The following MAP3K15 variants were observed in gnomAD, a reference collection of about 807,000 sequenced individuals.
MAP3K15 encodes mitogen-activated protein kinase kinase kinase 15.
In MAP3K15, 124 loss-of-function variants were observed where a neutral mutation model predicts 99.5. That is an observed-to-expected ratio of 1.25 (90% CI 1.08 to 1.45). The LOEUF (loss-of-function observed/expected upper bound fraction) is 1.45, where lower values mean the gene tolerates loss of function less well. Ranked by LOEUF, MAP3K15 falls within the 40% of genes most tolerant of loss-of-function variation. The pLI is 0.00. For synonymous variants in MAP3K15, 494 were observed against 439.6 expected (o/e 1.12, Z -1.55); for missense variants, 1,242 against 1,079.7 (o/e 1.15, Z -2.11).
intron 13 of MAP3K15, among the ~76,000 whole-genome samples, chrX:19,402,690 G>A (rs1377362775): frequency 9.0e-6 from 1 of 111,022 alleles, no homozygotes; most frequent in Admixed American, 9.6e-5. Flanking sequence ...TTTGAGATGG[G>A]GTATCACTCT....
chrX:19,368,849 T>G (rs375780289), intron 25 of MAP3K15, among the ~76,000 whole-genome samples: 11 of 110,188 alleles, frequency 1.0e-4, no homozygotes, highest in Non-Finnish European at 1.5e-4. Flanking sequence ...GAGTTTTTTT[T>G]TTTTTTTTTT....
At position 19,494,717 on chromosome X, in the gene MAP3K15, C is replaced by CAGG. The variant is rs771145074; in HGVS notation, c.362-5751_362-5750insCCT. ...AATATATACCAGGTTATCCTTAAGTCTATCTAACTCCCTGCAGAAAAAAAA... is the reference window on the plus strand; with the variant it reads ...AATATATACCAGGTTATCCTTAAGTCAGGTATCTAACTCCCTGCAGAAAAAAAA... On this transcript the variant is annotated intron_variant, in intron 1 of 28. Coordinates refer to ENST00000338883, the MANE Select transcript of MAP3K15 (RefSeq NM_001001671.4). Among the ~76,000 whole-genome samples, 766 of 110,290 alleles carry CAGG rather than the reference C, an allele frequency of 6.9e-3. 3 individuals carry two copies. Among genetic ancestry groups the CAGG allele is most frequent in the Middle Eastern group, 0.028 (6 of 216 alleles).
intron 6 of MAP3K15, among the ~76,000 whole-genome samples, chrX:19,434,391 ATT>A (rs2063906980): frequency 2.0e-5 from 2 of 99,222 alleles, no homozygotes; most frequent in African/African-American, 8.9e-5. Flanking sequence ...CACCCAGCTA[ATT>A]TTTTAATTTT....
At chrX:19,478,598 G>A (rs1216631533) in intron 3 of MAP3K15, among the ~76,000 whole-genome samples, 1 of 109,533 alleles carries the variant, frequency 9.1e-6, no homozygotes, top group East Asian at 2.9e-4. Context: ...GCCAGTGTCT[G>A]TTTTTCAAAG....
intron 9 of MAP3K15, among the ~76,000 whole-genome samples, chrX:19,424,701 A>G (rs2063816363): frequency 9.0e-6 from 1 of 110,932 alleles, no homozygotes. Flanking sequence ...GCTGGATTGC[A>G]GTTGTGCAAT....
At chrX:19,413,839 G>A (rs1386744219) in intron 10 of MAP3K15, among the ~76,000 whole-genome samples, 2 of 106,964 alleles carry the variant, frequency 1.9e-5, no homozygotes, top group African/African-American at 3.4e-5. Flanking sequence ...AACAGAAGGG[G>A]ACGAAAAAGA....
At chrX:19,385,576 T>G (rs760850871) in intron 18 of MAP3K15, among the ~76,000 whole-genome samples, 43 of 111,371 alleles carry the variant, frequency 3.9e-4, no homozygotes, top group Admixed American at 3.8e-3. Flanking sequence ...TGGTGAGCAC[T>G]TGATGGCTTA....
intron 18 of MAP3K15, 45 bp downstream of exon 18, chrX:19,391,957 G>A (rs749646815): frequency 7.2e-6 from 7 of 977,109 alleles, no homozygotes; most frequent in African/African-American, 5.7e-5. Flanking sequence ...TGCAGAAAGC[G>A]TAACTCTGGG....
intron 1 of MAP3K15, among the ~76,000 whole-genome samples, chrX:19,490,182 C>CAT (rs1458877134): frequency 1.0e-5 from 1 of 95,514 alleles, no homozygotes; most frequent in African/African-American, 3.7e-5. Context: ...CACACACACA[C>CAT]ACATACATAC....
Position 19,460,153 on chromosome X carries a change from A to C in MAP3K15, c.720T>G (p.Cys240Trp). 8.5e-7 allele frequency: 1 copy of C among 1,172,020 alleles called. No individual in the cohort carries two copies. Among genetic ancestry groups the C allele is most frequent in the Non-Finnish European group, 1.1e-6 (1 of 880,007 alleles). ...TTAACAAGGTTTCTTTGTAATAAAC[A>C]CTATAGAAAGAAAAACACAAAATCC... ...SLLKDIHVTS[C>W]VYYKETLLND... Residue 240 changes from cysteine to tryptophan, a missense_variant and splice_region_variant, in exon 5 of 29, where the codon TGT (cysteine) becomes TGG (tryptophan). By Grantham distance (215) the Cys-to-Trp change is radical (BLOSUM62 -2). Coordinates refer to ENST00000338883, the MANE Select transcript of MAP3K15 (RefSeq NM_001001671.4).
chrX:19,459,558 G>A (rs1167116630), intron 5 of MAP3K15, among the ~76,000 whole-genome samples: 1 of 112,033 alleles, frequency 8.9e-6, no homozygotes, highest in African/African-American at 3.2e-5. Flanking sequence ...TCTATAAAAC[G>A]GCCACCTCTG....
intron 1 of MAP3K15, among the ~76,000 whole-genome samples, chrX:19,505,953 A>C (rs1460837343): frequency 9.2e-6 from 1 of 108,850 alleles, no homozygotes; most frequent in Non-Finnish European, 1.9e-5. Flanking sequence ...TAATTTTGAG[A>C]CGGAGTTTCA....
intron 1 of MAP3K15, chrX:19,497,361 C>T (rs1185815105): frequency 9.1e-6 from 1 of 110,060 alleles, no homozygotes. Context: ...GGGGTTTCAT[C>T]ATGGCGGTTA....
intron 14 of MAP3K15, among the ~76,000 whole-genome samples, chrX:19,399,118 C>T (rs972086935): frequency 8.9e-6 from 1 of 112,193 alleles, no homozygotes; most frequent in African/African-American, 3.2e-5. Context: ...TTCCCATCTA[C>T]TTCTAGGGAT....
rs778877915 is a variant in MAP3K15, at chrX:19,425,578, T to C, written c.1392A>G (p.Lys464=). The change falls in exon 9 of 29, where the codon AAA becomes AAG. Residue 464 remains lysine (K), a synonymous_variant. Coordinates refer to ENST00000338883, the MANE Select transcript of MAP3K15 (RefSeq NM_001001671.4). ...ACAACCTCTCTGCTGCCTGGACGGC[T>C]TTCCCGACATCATGGGCCAGCATGC... is the stretch of plus-strand genomic sequence containing the variant. ...SVSMLAHDVG[K]AVQAAERLFK... 1.7e-6 allele frequency: 2 copies of C among 1,199,345 alleles called. No individual in the cohort carries two copies. Among genetic ancestry groups the C allele is most frequent in the South Asian group, 3.5e-5 (2 of 56,601 alleles).
At chrX:19,487,664 A>T (rs948919633) in intron 2 of MAP3K15, among the ~76,000 whole-genome samples, 2 of 112,254 alleles carry the variant, frequency 1.8e-5, no homozygotes, top group Admixed American at 9.5e-5. Context: ...ATCTATGTAA[A>T]GTATATATGA....
chrX:19,409,266 G>T (rs1471780335), intron 12 of MAP3K15, among the ~76,000 whole-genome samples: 1 of 111,420 alleles, frequency 9.0e-6, no homozygotes, highest in African/African-American at 3.3e-5. Flanking sequence ...AGAAAATAGG[G>T]AAGAAACTGA....
chrX:19,394,734 T>G (rs954562004), intron 16 of MAP3K15, among the ~76,000 whole-genome samples: 3 of 98,719 alleles, frequency 3.0e-5, no homozygotes, highest in African/African-American at 1.1e-4. Flanking sequence ...AGAAATAGAC[T>G]GCTTATATGA....
Position 19,372,646 on chromosome X carries a change from C to A in MAP3K15, c.3108+7G>T, listed in dbSNP as rs778221265. On this transcript the variant is annotated splice_region_variant and intron_variant, in intron 22 of 28. Transcript: ENST00000338883. Reference sequence around the variant, plus strand: ...GGAAGAGTCGGTGCCCTCCCTCGGGCAAATACCTGGGCCACACACTCCTGC... The same window carrying A: ...GGAAGAGTCGGTGCCCTCCCTCGGGAAAATACCTGGGCCACACACTCCTGC... 24 of 1,195,459 alleles carry A rather than the reference C, an allele frequency of 2.0e-5. No individual in the cohort carries two copies. The South Asian group carries it at 3.4e-4, about 17-fold the overall frequency.
Sources: allele counts gnomAD v4.1 joint callset (sites outside exome capture counted in the v4.1 genomes callset), GRCh38; gene constraint gnomAD v4.1.1; transcripts MANE v1.5; gene names NCBI Gene and HGNC (gene_info 2026-07-23, HGNC 2026-07-21).